Variants in ZNF236 observed in about 807,000 individuals in gnomAD.
ZNF236 encodes regulated by glucose.
In ZNF236, 50 loss-of-function variants were observed where a neutral mutation model predicts 191.2. That is an observed-to-expected ratio of 0.26 (90% CI 0.21 to 0.33). The LOEUF is 0.33. Among genes scored for constraint, ZNF236 ranks in the 10% least tolerant of loss-of-function variants. The pLI, the probability that ZNF236 is intolerant of heterozygous loss-of-function variation, is 1.00. For synonymous variants in ZNF236, 907 were observed against 928.8 expected (o/e 0.98, Z 0.43); for missense variants, 1,754 against 2,374.5 (o/e 0.74, Z 5.43).
In ZNF236 at chr18:76,840,780, T is replaced by TGTGTGTGTGTGTGTGTGCGC. The variant is rs1555685333; in HGVS notation, c.56-8729_56-8728insCGCGTGTGTGTGTGTGTGTG. On this transcript the variant is annotated intron_variant, in intron 1 of 30. Coordinates refer to ENST00000320610, the MANE Select transcript of ZNF236 (RefSeq NM_001306089.2). ...ATCAGCAAGGTCTTTATAACCTGTG[T>TGTGTGTGTGTGTGTGTGCGC]GTGTGTGTGTGTGTGTGTGTGTGTG... 4.6e-3 allele frequency: 392 copies of TGTGTGTGTGTGTGTGTGCGC among 84,760 alleles called. 3 individuals carry two copies. Among genetic ancestry groups the TGTGTGTGTGTGTGTGTGCGC allele is most frequent in the African/African-American group, 0.016 (377 of 23,308 alleles). 5.3% of individuals were successfully genotyped at this position (84,760 alleles called of 1,614,324 possible). A position where few individuals can be genotyped will look rare whatever the true frequency, so the allele number is the denominator to read the frequency against.
intron 11 of ZNF236, among the ~76,000 whole-genome samples, chr18:76,903,567 G>A (rs1245448646): frequency 6.6e-6 from 1 of 152,192 alleles, no homozygotes; most frequent in Non-Finnish European, 1.5e-5. Context: ...GTGGGCAGAG[G>A]ACAAAATCTT....
chr18:76,968,811 G>A lies in ZNF236; in HGVS notation c.*472G>A. On this transcript the variant is annotated 3_prime_UTR_variant, in exon 31 of 31. Transcript: ENST00000320610. ...AAAAAAAAGTGTTACAACACACAGG[G>A]AAGTTTTTTCCACTCTTTTCTCTGT... 1.0e-6 allele frequency: 1 copy of A among 987,370 alleles called. No homozygotes were observed. Among genetic ancestry groups the A allele is most frequent in the Non-Finnish European group, 1.2e-6 (1 of 831,376 alleles). 61.2% of individuals were successfully genotyped at this position (987,370 alleles called of 1,614,324 possible).
At chr18:76,826,366 C>G (rs528461876) in intron 1 of ZNF236, among the ~76,000 whole-genome samples, 3 of 149,342 alleles carry the variant, frequency 2.0e-5, no homozygotes, top group Non-Finnish European at 4.4e-5. Flanking sequence ...TCAAATGATC[C>G]GCCCGCCTCG....
intron 11 of ZNF236, among the ~76,000 whole-genome samples, chr18:76,902,656 C>T (rs1357060347): frequency 1.3e-5 from 2 of 152,200 alleles, no homozygotes; most frequent in Admixed American, 1.3e-4. Flanking sequence ...ACTGCAACCT[C>T]TGCCTCCCGG....
chr18:76,886,502 G>C (rs1568212840), intron 9 of ZNF236: 2 of 193,504 alleles, frequency 1.0e-5, no homozygotes, highest in Non-Finnish European at 1.1e-5. Context: ...CACCTGAGAA[G>C]GGGGCACCAT....
At chr18:76,852,560 G>T (rs1350632633) in intron 3 of ZNF236, among the ~76,000 whole-genome samples, 1 of 151,826 alleles carries the variant, frequency 6.6e-6, no homozygotes, top group Non-Finnish European at 1.5e-5. Context: ...CAGTGTTTGG[G>T]AAGCTGAGAT....
intron 27 of ZNF236, among the ~76,000 whole-genome samples, chr18:76,950,539 C>T (rs1301553298): frequency 6.6e-6 from 1 of 152,028 alleles, no homozygotes; most frequent in Non-Finnish European, 1.5e-5. Context: ...TTATATATAC[C>T]ATGAGATTGC....
intron 1 of ZNF236, among the ~76,000 whole-genome samples, chr18:76,846,128 T>C (rs1413961030): frequency 3.3e-5 from 5 of 152,174 alleles, no homozygotes; most frequent in African/African-American, 7.2e-5. Context: ...CTGTCTCTTT[T>C]TAAAAAATAG....
At chr18:76,966,132 C>T (rs1281734798) in intron 30 of ZNF236, among the ~76,000 whole-genome samples, 1 of 152,188 alleles carries the variant, frequency 6.6e-6, no homozygotes, top group Non-Finnish European at 1.5e-5. Flanking sequence ...TGTGGGTCCT[C>T]TCAGGTTTCC....
intron 4 of ZNF236, 84 bp downstream of exon 4, chr18:76,868,947 T>C (rs964063225): frequency 5.7e-6 from 8 of 1,391,674 alleles, no homozygotes; most frequent in Non-Finnish European, 7.7e-6. Context: ...ACTGGAAATA[T>C]TTGCTGCAAG....
rs200980108 is a variant in ZNF236, at chr18:76,915,767, G to T, written c.3182G>T (p.Gly1061Val). The change falls in exon 19 of 31, where the codon GGT (glycine) becomes GTT (valine). Residue 1061 changes from glycine (G) to valine (V), a missense_variant. Transcript: ENST00000320610. ...TATAAGTGTCCGTTTTGTGAGGAGG[G>T]TTTCCGAACTACAGTGCATTGTAAA... is the stretch of plus-strand genomic sequence containing the variant. ...KPYKCPFCEE[G>V]FRTTVHCKKH... 303 of 1,614,142 alleles carry T rather than the reference G, an allele frequency of 1.9e-4. 1 individual carries two copies. The African/African-American group carries it at 3.5e-3, about 19-fold the overall frequency.
intron 27 of ZNF236, among the ~76,000 whole-genome samples, chr18:76,947,966 C>T (rs1213089749): frequency 6.6e-6 from 1 of 152,136 alleles, no homozygotes; most frequent in Non-Finnish European, 1.5e-5. Context: ...TATTTGCCTG[C>T]TGATCAGACT....
Position 76,880,149 on chromosome 18 carries a change from G to A in ZNF236, c.1021G>A (p.Glu341Lys), listed in dbSNP as rs1476231429. The A allele has an allele frequency of 6.2e-7, 1 of 1,613,764 alleles. No homozygotes were observed. The highest frequency in any genetic ancestry group is 8.5e-7 in the Non-Finnish European group (1 of 1,179,928). ...TCAGACGTTACCTCTTCAACAGACG[G>A]AAGCCCAAGCCACGTCGGCCTCAAG... ...LFQTLPLQQT[E>K]AQATSASSQP... is the part of the protein sequence containing the mutation. The change falls in exon 8 of 31, where the codon GAA becomes AAA. Residue 341 changes from glutamate (E) to lysine (K), a missense_variant. Coordinates refer to ENST00000320610, the MANE Select transcript of ZNF236 (RefSeq NM_001306089.2). This position sits in a 1 kb window ranked among gnomAD's most constrained non-coding sequence, Gnocchi z 5.0.
chr18:76,911,773 G>A (rs535753705), intron 16 of ZNF236, among the ~76,000 whole-genome samples: 2 of 152,290 alleles, frequency 1.3e-5, no homozygotes, highest in African/African-American at 4.8e-5. Flanking sequence ...TGGTAGCATG[G>A]GTTGTAATGC....
Position 76,960,666 on chromosome 18 carries a change from A to C in ZNF236, c.5243-13A>C. 1 of 1,614,162 alleles carries C rather than the reference A, an allele frequency of 6.2e-7. No homozygotes were observed. The highest frequency in any genetic ancestry group is 8.5e-7 in the Non-Finnish European group (1 of 1,180,032). ...TTTCTTAGAGACATTGACATATGCC[A>C]TTTTCTGTACAGGGGAGCGGCCGTT... On this transcript the variant is annotated splice_polypyrimidine_tract_variant and intron_variant, in intron 29 of 30. Coordinates refer to ENST00000320610, the MANE Select transcript of ZNF236 (RefSeq NM_001306089.2). This position sits in a 1 kb window ranked among gnomAD's most constrained non-coding sequence, Gnocchi z 4.4.
At position 76,950,669 on chromosome 18, in the gene ZNF236, A is replaced by G. The variant is rs1290508329; in HGVS notation, c.4914+3017A>G. Among the ~76,000 whole-genome samples, 3 of 152,184 alleles carry G rather than the reference A, an allele frequency of 2.0e-5. No individual in the cohort carries two copies. The South Asian group carries it at 6.2e-4, about 32-fold the overall frequency. On this transcript the variant is annotated intron_variant, in intron 27 of 30. Coordinates refer to ENST00000320610, the MANE Select transcript of ZNF236 (RefSeq NM_001306089.2). ...AAGTCATCCATGAGGGCTGGAATCA[A>G]CTTCTTCCAAACTCCTGTTAATGTT...
At chr18:76,917,305 C>G (rs530574538) in intron 19 of ZNF236, among the ~76,000 whole-genome samples, 9 of 152,266 alleles carry the variant, frequency 5.9e-5, no homozygotes, top group Admixed American at 3.9e-4. Context: ...TTCTAGAACC[C>G]CGTCATTTGG....
chr18:76,962,034 T>TAGCA (rs527549689), intron 30 of ZNF236, among the ~76,000 whole-genome samples: 388 of 152,370 alleles, frequency 2.5e-3, no homozygotes, highest in African/African-American at 8.8e-3. Flanking sequence ...TTTAGTCTGC[T>TAGCA]GACTGTTCCT....
chr18:76,949,956 C>A (rs1465772935), intron 27 of ZNF236, among the ~76,000 whole-genome samples: 5 of 65,202 alleles, frequency 7.7e-5, no homozygotes, highest in Non-Finnish European at 1.5e-4. Context: ...TGTGCCTGAC[C>A]AGCATTACGT....
Sources: gnomAD v4.1 joint callset for allele counts (sites outside exome capture counted in the v4.1 genomes callset) on GRCh38, gnomAD v4.1.1 for gene constraint, Gnocchi (gnomAD v3.1) non-coding constraint, MANE v1.5 for transcripts, NCBI Gene and HGNC (gene_info 2026-07-23, HGNC 2026-07-21) for gene names.